The following FHAD1 variants were observed in gnomAD, a reference collection of about 807,000 sequenced individuals.
FHAD1 encodes forkhead associated phosphopeptide binding domain 1.
Under a neutral mutation model 191.3 loss-of-function variants are expected in FHAD1, and 146 were observed. That is an observed-to-expected ratio of 0.76 (90% CI 0.67 to 0.88). The LOEUF is 0.88. Among genes scored for constraint, FHAD1 ranks in the 40% least tolerant of loss-of-function variants. FHAD1 has a pLI of 0.00. For synonymous variants in FHAD1, 616 were observed against 672.3 expected (o/e 0.92, Z 1.29); for missense variants, 1,635 against 1,785.8 (o/e 0.92, Z 1.52).
intron 31 of FHAD1, chr1:15,383,173 C>T (rs45598134): frequency 0.019 from 8,847 of 471,700 alleles, 171 homozygotes; most frequent in South Asian, 0.048. Context: ...GAGCTTCCAG[C>T]CCCTGCCTCG....
chr1:15,339,890 A>G (rs1448746405), intron 15 of FHAD1, among the ~76,000 whole-genome samples: 1 of 152,002 alleles, frequency 6.6e-6, no homozygotes, highest in Admixed American at 6.6e-5. Flanking sequence ...CAGTGGTGCA[A>G]TCTCGGCTCA....
At position 15,349,064 on chromosome 1, in the gene FHAD1, A is replaced by T. The variant is rs975691362; in HGVS notation, c.2369A>T (p.His790Leu). 6.4e-7 allele frequency: 1 copy of T among 1,551,664 alleles called. No individual in the cohort carries two copies. Among genetic ancestry groups the T allele is most frequent in the African/African-American group, 1.4e-5 (1 of 73,136 alleles). Residue 790 changes from histidine to leucine, a missense_variant, in exon 19 of 34, where the codon CAT becomes CTT. Physicochemically the swap from His to Leu is moderately conservative, Grantham distance 99 (BLOSUM62 -3). Coordinates refer to ENST00000688493, the MANE Select transcript of FHAD1 (RefSeq NM_001391957.1). The stretch of plus-strand genomic sequence containing the variant: ...CAGGTTTTGGAGAGCAGCATAGCCC[A>T]TGAAAAAAGAAAAGCAAAGGAAGCC... ...QKEVLESSIA[H>L]EKRKAKEALE...
chr1:15,356,267 G>A (rs1692771334), intron 20 of FHAD1, among the ~76,000 whole-genome samples: 1 of 152,238 alleles, frequency 6.6e-6, no homozygotes, highest in South Asian at 2.1e-4. Context: ...ATGAGTCAGT[G>A]TTCCAAAGCA....
intron 33 of FHAD1, among the ~76,000 whole-genome samples, chr1:15,394,496 A>G (rs558585259): frequency 3.3e-4 from 51 of 152,286 alleles, no homozygotes; most frequent in African/African-American, 1.2e-3. Flanking sequence ...GTGGGCTGGT[A>G]TGGGACTGAC....
intron 1 of FHAD1, among the ~76,000 whole-genome samples, chr1:15,238,669 CT>C (rs1645042424): frequency 6.6e-6 from 1 of 152,352 alleles, no homozygotes; most frequent in East Asian, 1.9e-4. Context: ...TACACAGCCC[CT>C]GTGCCTCCTT....
chr1:15,376,069 ATTTATTTATTTTTTTATTTATTTT>A (rs1160157110), intron 28 of FHAD1, among the ~76,000 whole-genome samples: 27 of 140,830 alleles, frequency 1.9e-4, no homozygotes, highest in Middle Eastern at 3.7e-3. Flanking sequence ...TTATTTATTT[ATTTATTTATTTTTTTATTTATTTT>A]TTTATTTATT....
intron 5 of FHAD1, among the ~76,000 whole-genome samples, chr1:15,299,911 C>A (rs192747242): frequency 6.6e-6 from 1 of 152,306 alleles, no homozygotes; most frequent in Non-Finnish European, 1.5e-5. Flanking sequence ...CAATGACAGA[C>A]CCTGGTCAGC....
chr1:15,388,929 A>G (rs1339896591), intron 32 of FHAD1, among the ~76,000 whole-genome samples: 1 of 152,148 alleles, frequency 6.6e-6, no homozygotes, highest in Non-Finnish European at 1.5e-5. Context: ...ATCACATCCC[A>G]CTGAATCCAG....
At position 15,311,218 on chromosome 1, in the gene FHAD1, G is replaced by A. The variant is rs1444807020; in HGVS notation, c.1040-1839G>A. ...GGAGAAGCCAGCACAGCTTGAGTTT[G>A]CTGGGTGGCGTGCCAGGCGGGAGGG... On this transcript the variant is annotated intron_variant, in intron 7 of 33. Transcript: ENST00000688493. The surrounding 1 kb of genome is among the most constrained non-coding windows in gnomAD (Gnocchi z 4.1). Among the ~76,000 whole-genome samples the A allele has an allele frequency of 6.6e-6, 1 of 152,150 alleles. No homozygotes were observed. Among genetic ancestry groups the A allele is most frequent in the Admixed American group, 6.5e-5 (1 of 15,274 alleles).
At position 15,380,706 on chromosome 1, in the gene FHAD1, G is replaced by A; in HGVS notation, c.3711G>A (p.Gln1237=). ...TLSRIEILAP[Q]NGLCNARFGS... Reference sequence around the variant, plus strand: ...TCATTTCTTTCTGATTTCAGCCTCAGAATGGCCTTTGCAACGCAAGGTTCG... The same window carrying A: ...TCATTTCTTTCTGATTTCAGCCTCAAAATGGCCTTTGCAACGCAAGGTTCG... Residue 1237 remains glutamine (Q), a synonymous_variant, in exon 29 of 34, where the codon CAG becomes CAA. Transcript: ENST00000688493. The A allele has an allele frequency of 6.4e-7, 1 of 1,551,624 alleles. No homozygotes were observed. Among genetic ancestry groups the A allele is most frequent in the Non-Finnish European group, 8.7e-7 (1 of 1,146,910 alleles).
chr1:15,327,299 G>T lies in FHAD1; in HGVS notation c.1557+157G>T. 1.8e-6 allele frequency: 1 copy of T among 552,302 alleles called. No homozygotes were observed. The allele number at this position is 552,302 out of a possible 1,614,324, so 34.2% of individuals were successfully genotyped here. Reference sequence around the variant, plus strand: ...CATAAAGATTTGTTTTGATTTTATGGGATTTCCTGGCTTTTAAAGTAAAAG... The same window carrying T: ...CATAAAGATTTGTTTTGATTTTATGTGATTTCCTGGCTTTTAAAGTAAAAG... On this transcript the variant is annotated intron_variant, in intron 12 of 33. Coordinates refer to ENST00000688493, the MANE Select transcript of FHAD1 (RefSeq NM_001391957.1). The surrounding 1 kb of genome is among the most constrained non-coding windows in gnomAD (Gnocchi z 5.1).
rs59697890 is a variant in FHAD1, at chr1:15,269,670, A to G, written c.94-2653A>G. 4.3e-3 allele frequency among the ~76,000 whole-genome samples: 658 copies of G among 152,282 alleles called. 4 individuals carry two copies. Among genetic ancestry groups the G allele is most frequent in the African/African-American group, 0.015 (615 of 41,542 alleles). On this transcript the variant is annotated intron_variant, in intron 2 of 33. Transcript: ENST00000688493. ...TAAGTGTTCTATAAATATCAATTAG[A>G]TCTTGTTGATTGACGGTGTTGTTCA... is the stretch of plus-strand genomic sequence containing the variant.
rs774190395 is a variant in FHAD1 at position 15,281,242 on chromosome 1, G to T, written c.301-8157G>T. On this transcript the variant is annotated intron_variant, in intron 3 of 33. Coordinates refer to ENST00000688493, the MANE Select transcript of FHAD1 (RefSeq NM_001391957.1). ...GGCAGTCAGTTCCTGCTCTCTGCTG[G>T]GATCAGTGTGCCTCCTTTCCCCCTT... Among the ~76,000 whole-genome samples the T allele has an allele frequency of 4.6e-5, 7 of 152,110 alleles. No individual in the cohort carries two copies. The East Asian group carries it at 9.6e-4, about 21-fold the overall frequency.
intron 5 of FHAD1, among the ~76,000 whole-genome samples, chr1:15,299,381 G>T (rs774375960): frequency 6.6e-6 from 1 of 152,106 alleles, no homozygotes; most frequent in Non-Finnish European, 1.5e-5. Context: ...TTTTGCTTTT[G>T]CAGCAGGCTG....
At chr1:15,334,888 G>T (rs1172786163) in intron 14 of FHAD1, among the ~76,000 whole-genome samples, 5 of 152,146 alleles carry the variant, frequency 3.3e-5, no homozygotes, top group Admixed American at 2.6e-4. Context: ...CTTTCTAGAG[G>T]CCTCCTCCTT....
Position 15,381,458 on chromosome 1 carries a change from C to T in FHAD1, c.4022+7C>T, listed in dbSNP as rs1315792145. ...AGGACGTTGAACAGCTCAGGTACCT[C>T]GGCACCCCCATGTCCCCACAGAAAG... On this transcript the variant is annotated splice_region_variant and intron_variant, in intron 30 of 33. Transcript: ENST00000688493. This position sits in a 1 kb window ranked among gnomAD's most constrained non-coding sequence, Gnocchi z 4.6. 15 of 1,548,456 alleles carry T rather than the reference C, an allele frequency of 9.7e-6. No individual in the cohort carries two copies. The highest frequency in any genetic ancestry group is 2.4e-5 in the East Asian group (1 of 40,896).
At chr1:15,291,325 GC>G (rs201161057) in intron 4 of FHAD1, among the ~76,000 whole-genome samples, 3,451 of 151,932 alleles carry the variant, frequency 0.023, 140 homozygotes, top group African/African-American at 0.079. Flanking sequence ...CAAGTGATCT[GC>G]CCACCTTGGC....
chr1:15,283,744 C>T (rs1334839265), intron 3 of FHAD1, among the ~76,000 whole-genome samples: 1 of 152,192 alleles, frequency 6.6e-6, no homozygotes, highest in Non-Finnish European at 1.5e-5. Flanking sequence ...TACCCTGTGA[C>T]TCAGACTTGC....
intron 3 of FHAD1, among the ~76,000 whole-genome samples, chr1:15,286,528 C>T (rs1351516651): frequency 6.6e-6 from 1 of 152,140 alleles, no homozygotes; most frequent in Non-Finnish European, 1.5e-5. Context: ...AGAAAACCAC[C>T]TTCCCTCTCT....
Sources: gnomAD v4.1 joint callset for allele counts (sites outside exome capture counted in the v4.1 genomes callset) on GRCh38, gnomAD v4.1.1 for gene constraint, Gnocchi (gnomAD v3.1) non-coding constraint, MANE v1.5 for transcripts, NCBI Gene and HGNC (gene_info 2026-07-23, HGNC 2026-07-21) for gene names.